The following JADE3 variants were observed in gnomAD, a reference collection of about 807,000 sequenced individuals.
The protein encoded by JADE3 is protein Jade-3.
JADE3 carries 2 observed loss-of-function variants against 50.1 expected under a neutral mutation model. The ratio of observed to expected loss-of-function variants is 0.04; its 90% CI spans 0.02 to 0.13. The LOEUF is 0.13. JADE3 is among the 10% of genes least tolerant of loss of function. JADE3 has a pLI of 1.00. For missense variants in JADE3, 475 were observed against 634.4 expected (o/e 0.75, Z 2.70); for synonymous variants, 218 against 232.9 (o/e 0.94, Z 0.58).
chrX:47,009,009 A>G (rs1928499366), intron 4 of JADE3, among the ~76,000 whole-genome samples: 1 of 110,668 alleles, frequency 9.0e-6, no homozygotes, highest in South Asian at 3.8e-4. Context: ...AGATGAGTAT[A>G]TGTATAGATG....
chrX:46,998,415 A>G, intron 4 of JADE3, 138 bp downstream of exon 4: 1 of 509,999 alleles, frequency 2.0e-6, no homozygotes, highest in Non-Finnish European at 3.2e-6. Flanking sequence ...CACTCAGACC[A>G]GTGGCAGATT....
intron 1 of JADE3, among the ~76,000 whole-genome samples, chrX:46,982,406 T>C (rs1556353243): frequency 9.0e-6 from 1 of 111,686 alleles, no homozygotes; most frequent in Non-Finnish European, 1.9e-5. Context: ...TTTTCTTTAG[T>C]TCTTCGAACA....
At chrX:46,914,446 A>AT (rs1556335852) in intron 1 of JADE3, among the ~76,000 whole-genome samples, 1 of 111,456 alleles carries the variant, frequency 9.0e-6, no homozygotes, top group African/African-American at 3.3e-5. Context: ...TTCTACCTCC[A>AT]TAACATATCA....
intron 8 of JADE3, among the ~76,000 whole-genome samples, chrX:47,042,300 C>T (rs1437223109): frequency 1.8e-5 from 2 of 111,697 alleles, no homozygotes; most frequent in Admixed American, 1.9e-4. Flanking sequence ...GTATTACAGC[C>T]CTGATGTACC....
chrX:47,036,049 C>T (rs1466129698), intron 7 of JADE3, among the ~76,000 whole-genome samples: 1 of 110,728 alleles, frequency 9.0e-6, no homozygotes, highest in Non-Finnish European at 1.9e-5. Flanking sequence ...GGGGCTGAGG[C>T]GGCAGGATCA....
chrX:46,923,827 T>C (rs1343123085), intron 1 of JADE3, among the ~76,000 whole-genome samples: 6 of 111,157 alleles, frequency 5.4e-5, no homozygotes, highest in Non-Finnish European at 1.1e-4. Context: ...GCTCTCCCAG[T>C]TGTATTCTAT....
chrX:46,975,281 A>G (rs1325341500), intron 1 of JADE3, among the ~76,000 whole-genome samples: 1 of 112,315 alleles, frequency 8.9e-6, no homozygotes, highest in East Asian at 2.8e-4. Flanking sequence ...TGGGAGTGAC[A>G]TGGGAACAGA....
At chrX:47,037,687 A>C (rs1929164721) in intron 7 of JADE3, among the ~76,000 whole-genome samples, 1 of 112,320 alleles carries the variant, frequency 8.9e-6, no homozygotes, top group African/African-American at 3.2e-5. Context: ...TACGGGATGC[A>C]TGAGATTTTG....
intron 1 of JADE3, among the ~76,000 whole-genome samples, chrX:46,933,891 T>G (rs1926549830): frequency 9.0e-6 from 1 of 111,695 alleles, no homozygotes; most frequent in South Asian, 3.7e-4. Flanking sequence ...AATGCTGGGC[T>G]AATTTCAAAT....
intron 1 of JADE3, among the ~76,000 whole-genome samples, chrX:46,935,728 ACTGCTG>A (rs1482968633): frequency 1.8e-5 from 2 of 110,054 alleles, no homozygotes; most frequent in East Asian, 5.6e-4. Flanking sequence ...AAGGTTGGGG[ACTGCTG>A]CCTTATTGTA....
intron 8 of JADE3, among the ~76,000 whole-genome samples, chrX:47,040,590 C>T (rs1476602001): frequency 1.8e-5 from 2 of 111,611 alleles, no homozygotes; most frequent in Non-Finnish European, 3.8e-5. Flanking sequence ...TTATATATTA[C>T]AATGTAATAA....
chrX:47,058,587 C>G lies in JADE3; in HGVS notation c.1982C>G (p.Ser661Cys). 1 of 1,210,766 alleles carries G rather than the reference C, an allele frequency of 8.3e-7. No individual in the cohort carries two copies. The highest frequency in any genetic ancestry group is 1.1e-6 in the Non-Finnish European group (1 of 895,087). ...SIGNGKSQPN[S>C]KFAKSNGLEG... The stretch of plus-strand genomic sequence containing the variant: ...GGGAATGGGAAAAGTCAGCCTAACT[C>G]CAAGTTTGCCAAATCCAATGGCCTG... Residue 661 changes from serine (S) to cysteine (C), a missense_variant, in exon 11 of 11, where the codon TCC (serine) becomes TGC (cysteine). This residue lies in a region of JADE3 where 243 missense variants were observed against 238.2 expected (regional missense o/e 1.02). Coordinates refer to ENST00000614628, the MANE Select transcript of JADE3 (RefSeq NM_014735.5).
intron 1 of JADE3, among the ~76,000 whole-genome samples, chrX:46,975,756 G>A (rs1317618626): frequency 4.2e-5 from 3 of 71,327 alleles, no homozygotes; most frequent in Non-Finnish European, 7.1e-5. Flanking sequence ...GTCTCGCTCT[G>A]TCACCCAGGC....
intron 1 of JADE3, among the ~76,000 whole-genome samples, chrX:46,962,249 C>T (rs1322384648): frequency 8.9e-6 from 1 of 112,066 alleles, no homozygotes; most frequent in Non-Finnish European, 1.9e-5. Flanking sequence ...AGATGATAGT[C>T]TAGCCATCTG....
chrX:46,927,387 G>A (rs1446122029), intron 1 of JADE3, among the ~76,000 whole-genome samples: 2 of 111,833 alleles, frequency 1.8e-5, no homozygotes, highest in African/African-American at 6.5e-5. Flanking sequence ...TGGTAGGCAA[G>A]CCTTCAAAAT....
intron 4 of JADE3, among the ~76,000 whole-genome samples, chrX:47,014,504 T>C (rs1928631363): frequency 8.9e-6 from 1 of 112,175 alleles, no homozygotes; most frequent in South Asian, 3.6e-4. Flanking sequence ...TCCTTTCTTC[T>C]ACCCAGATTT....
intron 1 of JADE3, among the ~76,000 whole-genome samples, chrX:46,957,238 T>C (rs1226938387): frequency 9.0e-6 from 1 of 111,145 alleles, no homozygotes; most frequent in African/African-American, 3.3e-5. Context: ...GATAGATAGA[T>C]AGATAGATAG....
At chrX:46,984,828 G>GTGTGTGGGAT in intron 1 of JADE3, 56 bp from the exon 2 acceptor site, 1 of 900,282 alleles carries the variant, frequency 1.1e-6, no homozygotes. Context: ...AGTGTTGACT[G>GTGTGTGGGAT]CCCTCTGGGA....
chrX:47,048,172 A>G (rs1302578437), intron 8 of JADE3, among the ~76,000 whole-genome samples: 1 of 111,501 alleles, frequency 9.0e-6, no homozygotes, highest in Non-Finnish European at 1.9e-5. Flanking sequence ...AGGTGCCCCA[A>G]AGTCTCTACC....
Sources: allele counts gnomAD v4.1 joint callset (sites outside exome capture counted in the v4.1 genomes callset), GRCh38; gene constraint gnomAD v4.1.1; regional missense constraint gnomAD v4.1.1; transcripts MANE v1.5; gene names NCBI Gene and HGNC (gene_info 2026-07-23, HGNC 2026-07-21).